The following IL1RAPL1 variants were observed in gnomAD, a reference collection of about 807,000 sequenced individuals.
IL1RAPL1 encodes interleukin-1 receptor accessory protein-like 1.
A neutral mutation model predicts 48.4 loss-of-function variants in IL1RAPL1; 3 were observed. The observed-to-expected ratio is 0.06, with a 90% CI of 0.03 to 0.16. The LOEUF (loss-of-function observed/expected upper bound fraction) is 0.16, where lower values mean the gene tolerates loss of function less well. Ranked by LOEUF, IL1RAPL1 falls within the 10% of genes least tolerant of loss-of-function variation. IL1RAPL1 has a pLI of 1.00. For synonymous variants in IL1RAPL1, 185 were observed against 187.7 expected (o/e 0.99, Z 0.12); for missense variants, 349 against 530.6 (o/e 0.66, Z 3.36).
intron 2 of IL1RAPL1, among the ~76,000 whole-genome samples, chrX:29,112,970 C>T (rs1218396996): frequency 9.1e-6 from 1 of 109,409 alleles, no homozygotes; most frequent in Non-Finnish European, 1.9e-5. Context: ...TGCCACCATG[C>T]CCAGCTAGTT....
chrX:28,588,929 A>G (rs1456593246), intron 1 of IL1RAPL1, among the ~76,000 whole-genome samples: 1 of 111,970 alleles, frequency 8.9e-6, no homozygotes, highest in Non-Finnish European at 1.9e-5. Context: ...CAGGCAATTA[A>G]TTACATACTT....
chrX:29,053,311 C>T (rs1927138630), intron 2 of IL1RAPL1, among the ~76,000 whole-genome samples: 1 of 111,858 alleles, frequency 8.9e-6, no homozygotes, highest in African/African-American at 3.3e-5. Flanking sequence ...CACATCTTTG[C>T]TATTGTAAAT....
At chrX:29,124,617 C>T (rs1396074853) in intron 2 of IL1RAPL1, among the ~76,000 whole-genome samples, 2 of 111,745 alleles carry the variant, frequency 1.8e-5, no homozygotes, top group African/African-American at 6.5e-5. Flanking sequence ...AGTGGACCAA[C>T]GAATTGGCAT....
chrX:29,399,970 T>G (rs142909224), intron 5 of IL1RAPL1, among the ~76,000 whole-genome samples: 1,476 of 112,341 alleles, frequency 0.013, 5 homozygotes, highest in Non-Finnish European at 0.02. Context: ...GAAATCTACC[T>G]CTGTCTTCCT....
At chrX:29,123,177 C>T (rs897854732) in intron 2 of IL1RAPL1, among the ~76,000 whole-genome samples, 2 of 109,993 alleles carry the variant, frequency 1.8e-5, no homozygotes, top group African/African-American at 6.6e-5. Context: ...CTACAAGTGC[C>T]TGCCCCCACA....
intron 5 of IL1RAPL1, among the ~76,000 whole-genome samples, chrX:29,488,512 T>C (rs1171236029): frequency 1.8e-5 from 2 of 112,308 alleles, no homozygotes; most frequent in Non-Finnish European, 3.8e-5. Context: ...GTGACTATAG[T>C]TAATAATAAT....
At chrX:28,918,299 G>A (rs1923535550) in intron 2 of IL1RAPL1, among the ~76,000 whole-genome samples, 1 of 111,874 alleles carries the variant, frequency 8.9e-6, no homozygotes, top group African/African-American at 3.2e-5. Flanking sequence ...AAAAATTAGA[G>A]GACCAGAGGC....
intron 5 of IL1RAPL1, among the ~76,000 whole-genome samples, chrX:29,430,747 G>A (rs1016748206): frequency 9.1e-5 from 10 of 109,421 alleles, no homozygotes; most frequent in East Asian, 5.7e-4. Flanking sequence ...TTTGTATTTC[G>A]TGTGTGTATA....
intron 1 of IL1RAPL1, among the ~76,000 whole-genome samples, chrX:28,638,018 T>C (rs2146896968): frequency 8.9e-6 from 1 of 112,165 alleles, no homozygotes; most frequent in South Asian, 3.7e-4. Context: ...TCTTGTTGTA[T>C]ATATCTTGGA....
chrX:29,170,800 C>T (rs986810492), intron 2 of IL1RAPL1, among the ~76,000 whole-genome samples: 3 of 111,445 alleles, frequency 2.7e-5, no homozygotes, highest in Non-Finnish European at 3.8e-5. Flanking sequence ...ACTTGAACTC[C>T]GATAACTTCA....
chrX:29,688,552 G>A (rs989235421), intron 6 of IL1RAPL1, among the ~76,000 whole-genome samples: 5 of 111,606 alleles, frequency 4.5e-5, no homozygotes, highest in Non-Finnish European at 9.4e-5. Flanking sequence ...ACAGTTTCTG[G>A]AGTTGTAAAA....
At chrX:28,887,409 A>T (rs1922660950) in intron 2 of IL1RAPL1, among the ~76,000 whole-genome samples, 1 of 112,219 alleles carries the variant, frequency 8.9e-6, no homozygotes, top group Admixed American at 9.5e-5. Context: ...ATATAAATAC[A>T]TAAGTTATTT....
At chrX:28,648,885 G>A (rs931440625) in intron 1 of IL1RAPL1, among the ~76,000 whole-genome samples, 2 of 111,839 alleles carry the variant, frequency 1.8e-5, no homozygotes, top group African/African-American at 3.2e-5. Context: ...TTACATTATC[G>A]TGGAGGTATG....
At chrX:28,684,810 C>G (rs1455785776) in intron 1 of IL1RAPL1, among the ~76,000 whole-genome samples, 1 of 111,738 alleles carries the variant, frequency 8.9e-6, no homozygotes, top group Non-Finnish European at 1.9e-5. Context: ...TTATTGAATG[C>G]TGATTATATC....
intron 2 of IL1RAPL1, among the ~76,000 whole-genome samples, chrX:29,135,840 T>A (rs1388295604): frequency 9.0e-6 from 1 of 111,680 alleles, no homozygotes; most frequent in Non-Finnish European, 1.9e-5. Flanking sequence ...GCTCAAGCGA[T>A]CCTCCTGCCT....
intron 5 of IL1RAPL1, among the ~76,000 whole-genome samples, chrX:29,522,294 G>A (rs1015901656): frequency 1.4e-4 from 15 of 110,766 alleles, no homozygotes; most frequent in African/African-American, 4.9e-4. Flanking sequence ...CGAGTGGCTG[G>A]GACTACAGGT....
At chrX:29,313,973 A>G (rs926281864) in intron 3 of IL1RAPL1, among the ~76,000 whole-genome samples, 2 of 112,560 alleles carry the variant, frequency 1.8e-5, no homozygotes, top group African/African-American at 6.5e-5. Flanking sequence ...GGAATCTTAC[A>G]AACTAATTTT....
intron 3 of IL1RAPL1, among the ~76,000 whole-genome samples, chrX:29,311,641 T>TTTAGCAACTAGTACC (rs1932726443): frequency 8.9e-6 from 1 of 112,283 alleles, no homozygotes; most frequent in African/African-American, 3.2e-5. Context: ...AATAGCCATA[T>TTTAGCAACTAGTACC]GTTGCTAGTG....
chrX:29,337,581 G>A (rs1933013935), intron 3 of IL1RAPL1, among the ~76,000 whole-genome samples: 1 of 111,631 alleles, frequency 9.0e-6, no homozygotes, highest in Non-Finnish European at 1.9e-5. Flanking sequence ...CTGAAAAATA[G>A]GAGTTGTGAT....
Sources: allele counts gnomAD v4.1 joint callset (sites outside exome capture counted in the v4.1 genomes callset), GRCh38; gene constraint gnomAD v4.1.1; transcripts MANE v1.5; gene names NCBI Gene and HGNC (gene_info 2026-07-23, HGNC 2026-07-21).